USP35: variants seen among roughly 807,000 people sequenced by gnomAD.
USP35 encodes the protein ubiquitin specific peptidase 35, also known as ubiquitin carboxyl-terminal hydrolase 35.
A neutral mutation model predicts 83.8 loss-of-function variants in USP35; 69 were observed. The observed-to-expected ratio is 0.82, with a 90% CI of 0.68 to 1.01. The LOEUF is 1.01. Among genes scored for constraint, USP35 ranks in the 50% least tolerant of loss-of-function variants. USP35 has a pLI of 0.00. For synonymous variants in USP35, 714 were observed against 589.5 expected (o/e 1.21, Z -3.06); for missense variants, 1,503 against 1,362.5 (o/e 1.10, Z -1.62).
the USP35 span, among the ~76,000 whole-genome samples, chr11:78,224,081 CAAAAAAT>C: frequency 6.6e-6 from 1 of 151,302 alleles, no homozygotes; most frequent in East Asian, 1.9e-4. Context: ...GACTCTGTTT[CAAAAAAT>C]AAAAAATAAA....
intron 1 of USP35, among the ~76,000 whole-genome samples, chr11:78,191,722 C>T (rs1590892399): frequency 1.3e-5 from 2 of 152,198 alleles, no homozygotes; most frequent in East Asian, 3.9e-4. Context: ...GAGGAAATGC[C>T]TTGGAGAATC....
downstream of USP35, chr11:78,216,248 G>A (rs1198171722): frequency 1.3e-5 from 2 of 152,422 alleles, no homozygotes; most frequent in African/African-American, 2.4e-5. Flanking sequence ...GGAGCTGGAA[G>A]TGGGTGAAGA....
intron 10 of USP35, among the ~76,000 whole-genome samples, 200 bp downstream of exon 10, chr11:78,210,944 G>A (rs1030963855): frequency 3.3e-5 from 5 of 152,174 alleles, no homozygotes; most frequent in Non-Finnish European, 5.9e-5. Flanking sequence ...AATGAATGAC[G>A]CAGTTTATTT....
chr11:78,206,932 T>TC (rs1195190320), intron 7 of USP35, among the ~76,000 whole-genome samples: 2 of 152,166 alleles, frequency 1.3e-5, no homozygotes, highest in Non-Finnish European at 2.9e-5. Context: ...AGTCTACCCA[T>TC]CCCTAAAGGG....
At chr11:78,220,820 C>G in the USP35 span, among the ~76,000 whole-genome samples, 2 of 152,184 alleles carry the variant, frequency 1.3e-5, no homozygotes, top group East Asian at 3.9e-4. Context: ...AACAGTGGCT[C>G]TCCTGAGACA....
the USP35 span, chr11:78,220,239 T>G: frequency 1.3e-6 from 2 of 1,510,674 alleles, no homozygotes; most frequent in Non-Finnish European, 1.8e-6. Flanking sequence ...TGTTCAGTGT[T>G]GAAGGCACCC....
chr11:78,210,732 C>T lies in USP35; in HGVS notation c.2877C>T (p.Ile959=), dbSNP rs1565404216. The change falls in exon 10 of 11, where the codon ATC becomes ATT. Residue 959 remains isoleucine (I), a synonymous_variant. Coordinates refer to ENST00000529308, the MANE Select transcript of USP35 (RefSeq NM_020798.4). ...TGGAAGCCATTTCCAAAGACAACAT[C>T]CTTTACCTACAGGTGAGCTGAGCCG... is the stretch of plus-strand genomic sequence containing the variant. ...DLMEAISKDN[I]LYLQEQEKEA... is the part of the protein sequence containing the mutation. The T allele has an allele frequency of 9.6e-6, 15 of 1,556,888 alleles. No individual in the cohort carries two copies. The highest frequency in any genetic ancestry group is 1.3e-5 in the Non-Finnish European group (15 of 1,149,992).
intron 1 of USP35, among the ~76,000 whole-genome samples, chr11:78,194,301 G>A (rs1315512922): frequency 1.3e-5 from 2 of 152,190 alleles, no homozygotes; most frequent in Non-Finnish European, 2.9e-5. Flanking sequence ...ATGGAGGTTA[G>A]GTCACAGCTG....
In USP35 at chr11:78,210,564, C is replaced by G. The variant is rs370057841; in HGVS notation, c.2709C>G (p.Phe903Leu). 1.9e-6 allele frequency: 3 copies of G among 1,613,124 alleles called. No individual in the cohort carries two copies. The highest frequency in any genetic ancestry group is 8.5e-7 in the Non-Finnish European group (1 of 1,179,156). The change falls in exon 10 of 11, where the codon TTC becomes TTG. Residue 903 changes from phenylalanine to leucine, a missense_variant. Transcript: ENST00000529308. ...FNDTRVSFSS[F>L]ESVSNVTSFF... The stretch of plus-strand genomic sequence containing the variant: ...ACACTCGGGTGTCCTTCTCTTCCTT[C>G]GAATCTGTCAGCAACGTCACCTCCT...
chr11:78,190,817 A>T (rs1862981308), intron 1 of USP35, among the ~76,000 whole-genome samples: 1 of 152,158 alleles, frequency 6.6e-6, no homozygotes. Flanking sequence ...TTTTCAGTAG[A>T]GGGGACATTG....
At chr11:78,229,686 C>A in the USP35 span, among the ~76,000 whole-genome samples, 1 of 152,174 alleles carries the variant, frequency 6.6e-6, no homozygotes. Context: ...CAGGATTAAG[C>A]CCAAACTCCT....
intron 6 of USP35, among the ~76,000 whole-genome samples, chr11:78,203,583 A>ATTT (rs1315163063): frequency 4.1e-5 from 6 of 146,658 alleles, no homozygotes; most frequent in African/African-American, 1.5e-4. Context: ...TTAATATTAC[A>ATTT]TTTTTTTTTT....
At position 78,196,005 on chromosome 11, in the gene USP35, G is replaced by A. The variant is rs1364494479; in HGVS notation, c.-10-231G>A. 6.6e-6 allele frequency among the ~76,000 whole-genome samples: 1 copy of A among 152,216 alleles called. No homozygotes were observed. The highest frequency in any genetic ancestry group is 2.4e-5 in the African/African-American group (1 of 41,462). On this transcript the variant is annotated intron_variant, in intron 1 of 10. Transcript: ENST00000529308. The surrounding 1 kb of genome is among the most constrained non-coding windows in gnomAD (Gnocchi z 4.8). Reference sequence around the variant, plus strand: ...GGCCTCCCAAAGTGCTGGGATTACAGGTGTGAGTCACCACGCAGGCCCCTG... The same window carrying A: ...GGCCTCCCAAAGTGCTGGGATTACAAGTGTGAGTCACCACGCAGGCCCCTG...
the USP35 span, among the ~76,000 whole-genome samples, chr11:78,221,447 A>G: frequency 6.6e-6 from 1 of 152,176 alleles, no homozygotes; most frequent in African/African-American, 2.4e-5. Context: ...CCTGCTCTTG[A>G]AGACCATGAC....
intron 3 of USP35, chr11:78,198,996 C>G (rs1036803949): frequency 1.9e-5 from 3 of 154,704 alleles, no homozygotes; most frequent in African/African-American, 7.2e-5. Context: ...GGCTGTTTTC[C>G]TCAGCACTGA....
At chr11:78,230,743 A>G in the USP35 span, among the ~76,000 whole-genome samples, 1 of 152,254 alleles carries the variant, frequency 6.6e-6, no homozygotes, top group African/African-American at 2.4e-5. Flanking sequence ...AAAGTTACAT[A>G]CTCAGAGGGC....
In USP35 at chr11:78,196,339, C is replaced by T. The variant is rs375038626; in HGVS notation, c.94C>T (p.Pro32Ser). Residue 32 changes from proline (P) to serine (S), a missense_variant, in exon 2 of 11, where the codon CCG becomes TCG. Pro to Ser is a moderately conservative substitution (Grantham distance 74). Transcript: ENST00000529308. The surrounding 1 kb of genome is among the most constrained non-coding windows in gnomAD (Gnocchi z 4.8). ...VRRVLEAARQ[P>S]LEREQCLALL... ...GCGCGTGCTGGAGGCGGCGCGGCAG[C>T]CGCTGGAGCGTGAGCAGTGCCTGGC... 6.3e-7 allele frequency: 1 copy of T among 1,584,906 alleles called. No homozygotes were observed. The highest frequency in any genetic ancestry group is 1.4e-5 in the African/African-American group (1 of 73,262).
the USP35 span, among the ~76,000 whole-genome samples, chr11:78,223,951 A>G: frequency 5.3e-5 from 8 of 152,224 alleles, no homozygotes; most frequent in African/African-American, 9.6e-5. Context: ...GCGTGGTGGC[A>G]TATGCTTGTA....
At chr11:78,197,581 C>T (rs969262376) in intron 2 of USP35, among the ~76,000 whole-genome samples, 4 of 152,190 alleles carry the variant, frequency 2.6e-5, no homozygotes, top group Non-Finnish European at 5.9e-5. Context: ...TGGTCTTTCT[C>T]ATCTAGGCCT....
Sources: gnomAD v4.1 joint callset for allele counts (sites outside exome capture counted in the v4.1 genomes callset) on GRCh38, gnomAD v4.1.1 for gene constraint, Gnocchi (gnomAD v3.1) non-coding constraint, MANE v1.5 for transcripts, NCBI Gene and HGNC (gene_info 2026-07-23, HGNC 2026-07-21) for gene names.